Variants in FNDC3A observed in about 807,000 individuals in gnomAD.
FNDC3A encodes fibronectin type III domain containing 3A.
Under a neutral mutation model 148.9 loss-of-function variants are expected in FNDC3A, and 32 were observed. That is an observed-to-expected ratio of 0.21 (90% confidence interval 0.16 to 0.29). The LOEUF (loss-of-function observed/expected upper bound fraction) is 0.29. Among genes scored for constraint, FNDC3A ranks in the 10% least tolerant of loss-of-function variants. The pLI is 1.00. For synonymous variants in FNDC3A, 472 were observed against 473.6 expected (o/e 1.00, Z 0.04); for missense variants, 1,191 against 1,452.8 (o/e 0.82, Z 2.93).
intron 7 of FNDC3A, among the ~76,000 whole-genome samples, chr13:49,141,667 C>T (rs550961591): frequency 2.0e-5 from 3 of 152,250 alleles, no homozygotes; most frequent in African/African-American, 7.2e-5. Context: ...AACAGTTTAG[C>T]TTCCTAGATA....
chr13:49,198,563 T>A lies in FNDC3A; in HGVS notation c.2976T>A (p.Asp992Glu), dbSNP rs779545962. The change falls in exon 23 of 26, where the codon GAT becomes GAA. Residue 992 changes from aspartate (D) to glutamate (E), a missense_variant. Asp to Glu is a conservative substitution (Grantham distance 45). Transcript: ENST00000492622. ...DSIQYHLQMEDKNGRFVSLYR... is the reference protein window; with the variant it reads ...DSIQYHLQMEEKNGRFVSLYR... ...TTCAGTACCACCTTCAGATGGAGGA[T>A]AAGAATGGACGGTAGGTTTTTTTAA... 1 of 1,612,338 alleles carries A rather than the reference T, an allele frequency of 6.2e-7. No individual in the cohort carries two copies. The highest frequency in any genetic ancestry group is 1.1e-5 in the South Asian group (1 of 91,040).
intron 8 of FNDC3A, among the ~76,000 whole-genome samples, chr13:49,152,879 T>C (rs1040937324): frequency 6.8e-4 from 103 of 151,052 alleles, no homozygotes; most frequent in African/African-American, 2.3e-3. Flanking sequence ...TAGTATTCCA[T>C]GGTGTATATG....
chr13:49,197,965 G>A lies in FNDC3A; in HGVS notation c.2491-17G>A. On this transcript the variant is annotated splice_polypyrimidine_tract_variant and intron_variant, in intron 21 of 25. Coordinates refer to ENST00000492622, the MANE Select transcript of FNDC3A (RefSeq NM_001079673.2). ...TGGTCATGACTTTGTTAACTCGGAG[G>A]CTCTGTTAATTTGTAGGCTCTGAGT... 2 of 1,602,052 alleles carry A rather than the reference G, an allele frequency of 1.2e-6. No individual in the cohort carries two copies. Among genetic ancestry groups the A allele is most frequent in the Non-Finnish European group, 1.7e-6 (2 of 1,174,562 alleles).
In FNDC3A at chr13:49,040,615, A is replaced by C. The variant is rs181401109; in HGVS notation, c.99+34326A>C. Reference sequence around the variant, plus strand: ...TTGGAAGATCAGCAGTGCATCTGAGATAAGTGCAAACTTAAGAGTATGGTT... The same window carrying C: ...TTGGAAGATCAGCAGTGCATCTGAGCTAAGTGCAAACTTAAGAGTATGGTT... On this transcript the variant is annotated intron_variant, in intron 2 of 25. Transcript: ENST00000492622. Among the ~76,000 whole-genome samples, 793 of 152,372 alleles carry C rather than the reference A, an allele frequency of 5.2e-3. 5 individuals carry two copies. Among genetic ancestry groups the C allele is most frequent in the African/African-American group, 0.018 (758 of 41,588 alleles).
At chr13:49,121,117 T>C (rs998053494) in intron 4 of FNDC3A, among the ~76,000 whole-genome samples, 15 of 152,092 alleles carry the variant, frequency 9.9e-5, no homozygotes, top group African/African-American at 3.6e-4. Flanking sequence ...TCAGCAAATG[T>C]AAAAGAACAG....
chr13:49,187,940 A>T (rs1304015000), intron 16 of FNDC3A, among the ~76,000 whole-genome samples: 1 of 152,194 alleles, frequency 6.6e-6, no homozygotes, highest in Non-Finnish European at 1.5e-5. Flanking sequence ...AGACCAAGTC[A>T]TTAGATACTA....
chr13:49,136,472 T>C lies in FNDC3A; in HGVS notation c.631T>C (p.Cys211Arg). Residue 211 changes from cysteine (C) to arginine (R), a missense_variant, in exon 6 of 26, where the codon TGC (cysteine) becomes CGC (arginine). Transcript: ENST00000492622. ...MSSPPSSPQKCPSPINEHNGL... is the reference protein window; with the variant it reads ...MSSPPSSPQKRPSPINEHNGL... ...CAGTCCACCATCATCACCCCAGAAATGCCCTTCTCCCATTAATGAACATAA... is the reference window on the plus strand; with the variant it reads ...CAGTCCACCATCATCACCCCAGAAACGCCCTTCTCCCATTAATGAACATAA... The C allele has an allele frequency of 6.2e-7, 1 of 1,614,096 alleles. No homozygotes were observed. Among genetic ancestry groups the C allele is most frequent in the Admixed American group, 1.7e-5 (1 of 60,014 alleles).
intron 2 of FNDC3A, among the ~76,000 whole-genome samples, chr13:49,038,216 G>A (rs1874646634): frequency 6.6e-6 from 1 of 152,162 alleles, no homozygotes; most frequent in Non-Finnish European, 1.5e-5. Context: ...GTACAGGATA[G>A]GGGGTGCGGT....
chr13:48,992,897 G>C (rs1022759822), intron 1 of FNDC3A, among the ~76,000 whole-genome samples: 1 of 152,098 alleles, frequency 6.6e-6, no homozygotes, highest in East Asian at 1.9e-4. Flanking sequence ...TACTTGATGC[G>C]TGTTTGTTTA....
chr13:49,151,543 C>CT (rs1279272131), intron 8 of FNDC3A, among the ~76,000 whole-genome samples: 1 of 151,844 alleles, frequency 6.6e-6, no homozygotes, highest in Non-Finnish European at 1.5e-5. Flanking sequence ...GAGTTTGTGT[C>CT]TTTTAAGTAG....
chr13:49,196,565 C>T (rs1373793199), intron 19 of FNDC3A, among the ~76,000 whole-genome samples: 1 of 152,194 alleles, frequency 6.6e-6, no homozygotes, highest in Non-Finnish European at 1.5e-5. Flanking sequence ...TTTCTTCACT[C>T]CTTATATTTC....
intron 2 of FNDC3A, among the ~76,000 whole-genome samples, chr13:49,062,866 C>T (rs1876993420): frequency 6.6e-6 from 1 of 152,122 alleles, no homozygotes; most frequent in Admixed American, 6.6e-5. Context: ...GTGTGTGCCA[C>T]ACGGTAGCTG....
At chr13:48,980,843 A>G (rs1260339992) in intron 1 of FNDC3A, among the ~76,000 whole-genome samples, 1 of 152,144 alleles carries the variant, frequency 6.6e-6, no homozygotes, top group Non-Finnish European at 1.5e-5. Flanking sequence ...TTCATTAAGC[A>G]GGCATCAGTA....
intron 8 of FNDC3A, among the ~76,000 whole-genome samples, chr13:49,161,876 T>C (rs1884150237): frequency 6.6e-6 from 1 of 152,170 alleles, no homozygotes; most frequent in South Asian, 2.1e-4. Context: ...TTATGAAGCT[T>C]AGTTTGGCTG....
intron 5 of FNDC3A, among the ~76,000 whole-genome samples, chr13:49,134,633 G>GT: frequency 6.6e-6 from 1 of 152,040 alleles, no homozygotes; most frequent in Middle Eastern, 3.4e-3. Flanking sequence ...TACCAGCAAT[G>GT]TATGAGGGTT....
rs1304116868 is a variant in FNDC3A, at chr13:49,138,874, A to G, written c.819+69A>G. On this transcript the variant is annotated intron_variant, in intron 7 of 25. Transcript: ENST00000492622. Reference sequence around the variant, plus strand: ...TAGCATAAGATGTTCATCCATCAAAATGTAGTTTTTTTCTTTTAACTTTTT... The same window carrying G: ...TAGCATAAGATGTTCATCCATCAAAGTGTAGTTTTTTTCTTTTAACTTTTT... The G allele has an allele frequency of 8.0e-6, 7 of 878,820 alleles. No homozygotes were observed. The East Asian group carries it at 1.9e-4, about 23-fold the overall frequency. The allele number at this position is 878,820 out of a possible 1,614,324, so 54.4% of individuals were successfully genotyped here. A position where few individuals can be genotyped will look rare whatever the true frequency, so the allele number is the denominator to read the frequency against.
chr13:49,207,107 C>T lies in FNDC3A; in HGVS notation c.3309C>T (p.Phe1103=). Residue 1103 remains phenylalanine (F), a synonymous_variant, in exon 26 of 26, where the codon TTC becomes TTT. Transcript: ENST00000492622. ...TTTACAAGGGTCCCGACTCTTCCTTCCGGTATTCCAGCCTTCAGCTGAACT... is the reference window on the plus strand; with the variant it reads ...TTTACAAGGGTCCCGACTCTTCCTTTCGGTATTCCAGCCTTCAGCTGAACT... ...KQIYKGPDSS[F]RYSSLQLNCE... is the part of the protein sequence containing the mutation. The T allele has an allele frequency of 6.2e-7, 1 of 1,614,014 alleles. No homozygotes were observed. Among genetic ancestry groups the T allele is most frequent in the East Asian group, 2.2e-5 (1 of 44,888 alleles).
Position 49,174,473 on chromosome 13 carries a change from C to T in FNDC3A, c.1269C>T (p.Gly423=). 6.2e-7 allele frequency: 1 copy of T among 1,611,700 alleles called. No individual in the cohort carries two copies. Among genetic ancestry groups the T allele is most frequent in the South Asian group, 1.1e-5 (1 of 90,996 alleles). The change falls in exon 12 of 26, where the codon GGC becomes GGT. Residue 423 remains glycine, a synonymous_variant. Coordinates refer to ENST00000492622, the MANE Select transcript of FNDC3A (RefSeq NM_001079673.2). Reference sequence around the variant, plus strand: ...GAGAATTTTGTCAGTGTTACATGGGCTCACAGAAACAATTTAAAATTACTA... The same window carrying T: ...GAGAATTTTGTCAGTGTTACATGGGTTCACAGAAACAATTTAAAATTACTA... ...GNGEFCQCYM[G]SQKQFKITKL...
chr13:49,080,972 C>T (rs1878429302), intron 3 of FNDC3A, among the ~76,000 whole-genome samples: 1 of 152,136 alleles, frequency 6.6e-6, no homozygotes, highest in African/African-American at 2.4e-5. Flanking sequence ...GTTTATAGCC[C>T]TGATGCTTTG....
Sources: gnomAD v4.1 joint callset for allele counts (sites outside exome capture counted in the v4.1 genomes callset) on GRCh38, gnomAD v4.1.1 for gene constraint, MANE v1.5 for transcripts, NCBI Gene and HGNC (gene_info 2026-07-23, HGNC 2026-07-21) for gene names.